Variants in C4B observed in about 807,000 individuals in gnomAD.
C4B encodes complement C4-B.
Under a neutral mutation model 46.2 loss-of-function variants are expected in C4B, and 6 were observed. That is an observed-to-expected ratio of 0.13 (90% confidence interval 0.07 to 0.26). C4B has a LOEUF of 0.26. Ranked by LOEUF, C4B falls within the 10% of genes least tolerant of loss-of-function variation. The probability of loss-of-function intolerance (pLI) is 1.00; values close to 1 mark genes in which losing one functional copy is unlikely to be tolerated. For synonymous variants in C4B, 61 were observed against 240.1 expected (o/e 0.25, Z 6.90); for missense variants, 119 against 560.9 (o/e 0.21, Z 7.96).
In C4B at chr6:32,029,296, G is replaced by A. The variant is rs377113131; in HGVS notation, c.3634G>A (p.Val1212Ile). Reference protein sequence around the residue: ...LTKAPADLRGVAHNNLMAMAQ... With the variant: ...LTKAPADLRGIAHNNLMAMAQ... ...CAAGGCCCCTGCGGACCTGCGGGGT[G>A]TTGCCCACAACAACCTCATGGCAAT... Residue 1212 changes from valine (V) to isoleucine (I), a missense_variant, in exon 28 of 41, where the codon GTT becomes ATT. By Grantham distance (29) the Val-to-Ile change is conservative. Coordinates refer to ENST00000435363, the MANE Select transcript of C4B (RefSeq NM_001002029.4). 1.0e-5 allele frequency: 16 copies of A among 1,566,798 alleles called. 4 individuals carry two copies. In the African/African-American group the frequency reaches 2.2e-4, roughly 21 times the overall value.
At chr6:32,028,574 G>T (rs1389050997) in intron 25 of C4B, 42 bp downstream of exon 25, 1 of 1,528,470 alleles carries the variant, frequency 6.5e-7, no homozygotes, top group Non-Finnish European at 8.9e-7. Flanking sequence ...AGGGGGTCAG[G>T]GCTGGGGCAG....
intron 25 of C4B, 32 bp from the exon 26 acceptor site, chr6:32,028,661 C>T: frequency 6.6e-7 from 1 of 1,505,760 alleles, no homozygotes; most frequent in Non-Finnish European, 9.0e-7. Context: ...GAAGCAAGTC[C>T]TTATCCCCAA....
Position 32,028,824 on chromosome 6 carries a change from C to G in C4B, c.3362C>G (p.Ser1121Cys), listed in dbSNP as rs2734318. The G allele has an allele frequency of 5.8e-5, 91 of 1,562,352 alleles. 2 individuals are homozygous for G. Among genetic ancestry groups the G allele is most frequent in the South Asian group, 3.0e-4 (26 of 88,110 alleles). ...QQADGSFQDL[S>C]PVIHRSMQGG... ...GCTGACGGCTCGTTCCAGGACCTCT[C>G]TCCAGTGATACATAGGAGCATGCAG... Residue 1121 changes from serine (S) to cysteine (C), a missense_variant, in exon 26 of 41, where the codon TCT becomes TGT. Ser to Cys is a moderately radical substitution (Grantham distance 112). Transcript: ENST00000435363.
At chr6:32,028,602 T>C in intron 25 of C4B, 70 bp downstream of exon 25, 2 of 1,468,922 alleles carry the variant, frequency 1.4e-6, no homozygotes, top group South Asian at 2.3e-5. Flanking sequence ...ACAGAGCTGG[T>C]ATGATGGGAG....
rs2151865612 is a variant in C4B, at chr6:32,029,259, C to T, written c.3597C>T (p.Ala1199=). 3.2e-6 allele frequency: 5 copies of T among 1,578,006 alleles called. No individual in the cohort carries two copies. Among genetic ancestry groups the T allele is most frequent in the Non-Finnish European group, 4.3e-6 (5 of 1,153,002 alleles). The part of the protein sequence containing the change: ...GAHAAAITAY[A]LTLTKAPADL... ...ACGCAGCTGCCATCACGGCCTATGC[C>T]CTGACACTGACCAAGGCCCCTGCGG... The change falls in exon 28 of 41, where the codon GCC becomes GCT. Residue 1199 remains alanine, a synonymous_variant. Transcript: ENST00000435363.
chr6:32,029,124 C>T lies in C4B; in HGVS notation c.3505-43C>T. On this transcript the variant is annotated intron_variant, in intron 27 of 40. Transcript: ENST00000435363. ...AGCTCTCTCCCTTTTTCCTCAGGAACCCAGGGGTCCAGGCCCAAGACCCTC... is the reference window on the plus strand; with the variant it reads ...AGCTCTCTCCCTTTTTCCTCAGGAATCCAGGGGTCCAGGCCCAAGACCCTC... 3 of 1,585,572 alleles carry T rather than the reference C, an allele frequency of 1.9e-6. 1 individual carries two copies. The South Asian group carries it at 3.3e-5, about 18-fold the overall frequency.
chr6:32,027,150 C>T, intron 20 of C4B, 28 bp downstream of exon 20: 1 of 1,550,888 alleles, frequency 6.4e-7, no homozygotes, highest in African/African-American at 1.3e-5. Flanking sequence ...CCTGAGCATA[C>T]AGGAGTTGGG....
Position 32,028,874 on chromosome 6 carries a change from G to A in C4B, c.3387+25G>A, listed in dbSNP as rs773260915. ...GGTGCGGGCATGCTGGGGCTGGCCC[G>A]AGAAGCGCCTGTCGGAGGACTCTCT... is the stretch of plus-strand genomic sequence containing the variant. On this transcript the variant is annotated intron_variant, in intron 26 of 40. Transcript: ENST00000435363. 144 of 1,564,658 alleles carry A rather than the reference G, an allele frequency of 9.2e-5. 16 individuals carry two copies. The highest frequency in any genetic ancestry group is 1.8e-4 in the East Asian group (8 of 43,818).
rs762892849 is a variant in C4B at position 32,028,805 on chromosome 6, G to A, written c.3343G>A (p.Gly1115Ser). ...GCTTCTGTCCCAGCAGCAGGCTGAC[G>A]GCTCGTTCCAGGACCTCTCTCCAGT... Reference protein sequence around the residue: ...NWLLSQQQADGSFQDLSPVIH... With the variant: ...NWLLSQQQADSSFQDLSPVIH... The change falls in exon 26 of 41, where the codon GGC (glycine) becomes AGC (serine). Residue 1115 changes from glycine to serine, a missense_variant. By Grantham distance (56) the Gly-to-Ser change is moderately conservative. Coordinates refer to ENST00000435363, the MANE Select transcript of C4B (RefSeq NM_001002029.4). 11 of 1,562,156 alleles carry A rather than the reference G, an allele frequency of 7.0e-6. 2 individuals are homozygous for A. Among genetic ancestry groups the A allele is most frequent in the Middle Eastern group, 1.7e-4 (1 of 5,978 alleles).
chr6:32,028,912 C>T (rs1441744330), intron 26 of C4B, 33 bp from the exon 27 acceptor site: 1 of 1,564,482 alleles, frequency 6.4e-7, no homozygotes, highest in East Asian at 2.3e-5. Context: ...GCCCCTTCCC[C>T]CTCCTGTTTG....
chr6:32,029,339 G>C lies in C4B; in HGVS notation c.3676+1G>C. On this transcript the variant is annotated splice_donor_variant, in intron 28 of 40. Coordinates refer to ENST00000435363, the MANE Select transcript of C4B (RefSeq NM_001002029.4). LOFTEE classifies it high-confidence loss of function. ...ATGGCAATGGCCCAGGAGACTGGAG[G>C]TGAGGGGTGAGGGGCTCTGGCAGTG... 1 of 1,537,240 alleles carries C rather than the reference G, an allele frequency of 6.5e-7. No homozygotes were observed.
chr6:32,028,957 G>A lies in C4B; in HGVS notation c.3400G>A (p.Gly1134Ser), dbSNP rs1470227420. ...IHRSMQGGLV[G>S]NDETVALTAF... ...CTCCCCTTACTAGGGGGGTTTGGTG[G>A]GCAATGATGAGACTGTGGCACTCAC... Residue 1134 changes from glycine (G) to serine (S), a missense_variant, in exon 27 of 41, where the codon GGC becomes AGC. Physicochemically the swap from Gly to Ser is moderately conservative, Grantham distance 56 (BLOSUM62 0). Transcript: ENST00000435363. 1.3e-6 allele frequency: 2 copies of A among 1,555,752 alleles called. No individual in the cohort carries two copies. The highest frequency in any genetic ancestry group is 4.5e-5 in the East Asian group (2 of 44,112).
Position 32,029,094 on chromosome 6 carries a change from C to T in C4B, c.3504+33C>T, listed in dbSNP as rs775294409. ...CAGTGGCGTTTCTGCCCTCTGCTGG[C>T]CCCCAGCTCTCTCCCTTTTTCCTCA... On this transcript the variant is annotated intron_variant, in intron 27 of 40. Coordinates refer to ENST00000435363, the MANE Select transcript of C4B (RefSeq NM_001002029.4). The T allele has an allele frequency of 1.7e-5, 26 of 1,571,734 alleles. No homozygotes were observed. In the East Asian group the frequency reaches 4.5e-4, roughly 27 times the overall value.
chr6:32,028,806 G>T lies in C4B; in HGVS notation c.3344G>T (p.Gly1115Val), dbSNP rs370548864. 1.9e-6 allele frequency: 3 copies of T among 1,562,134 alleles called. No homozygotes were observed. The highest frequency in any genetic ancestry group is 2.8e-5 in the African/African-American group (2 of 71,344). Reference protein sequence around the residue: ...NWLLSQQQADGSFQDLSPVIH... With the variant: ...NWLLSQQQADVSFQDLSPVIH... ...CTTCTGTCCCAGCAGCAGGCTGACG[G>T]CTCGTTCCAGGACCTCTCTCCAGTG... Residue 1115 changes from glycine to valine, a missense_variant, in exon 26 of 41, where the codon GGC becomes GTC. Gly to Val is a moderately radical substitution (Grantham distance 109). Coordinates refer to ENST00000435363, the MANE Select transcript of C4B (RefSeq NM_001002029.4).
chr6:32,027,183 TG>T, intron 20 of C4B, 52 bp from the exon 21 acceptor site: 1 of 1,544,352 alleles, frequency 6.5e-7, no homozygotes, highest in Non-Finnish European at 8.9e-7. Flanking sequence ...CAGTGAGGGG[TG>T]GGGAGGCTAA....
Position 32,029,066 on chromosome 6 carries a change from G to T in C4B, c.3504+5G>T. 1 of 1,554,500 alleles carries T rather than the reference G, an allele frequency of 6.4e-7. No homozygotes were observed. Among genetic ancestry groups the T allele is most frequent in the South Asian group, 1.1e-5 (1 of 88,828 alleles). Reference sequence around the variant, plus strand: ...GAGCCATTGAAGCAGAGAGTGGTAAGTTCAGTGGCGTTTCTGCCCTCTGCT... The same window carrying T: ...GAGCCATTGAAGCAGAGAGTGGTAATTTCAGTGGCGTTTCTGCCCTCTGCT... On this transcript the variant is annotated splice_donor_5th_base_variant and intron_variant, in intron 27 of 40. Transcript: ENST00000435363.
chr6:32,028,972 G>A lies in C4B; in HGVS notation c.3415G>A (p.Val1139Met). The change falls in exon 27 of 41, where the codon GTG (valine) becomes ATG (methionine). Residue 1139 changes from valine to methionine, a missense_variant. Coordinates refer to ENST00000435363, the MANE Select transcript of C4B (RefSeq NM_001002029.4). ...QGGLVGNDET[V>M]ALTAFVTIAL... ...GGGTTTGGTGGGCAATGATGAGACT[G>A]TGGCACTCACAGCCTTTGTGACCAT... is the stretch of plus-strand genomic sequence containing the variant. The A allele has an allele frequency of 6.4e-7, 1 of 1,553,608 alleles. No individual in the cohort carries two copies.
chr6:32,029,076 G>A lies in C4B; in HGVS notation c.3504+15G>A, dbSNP rs771017536. On this transcript the variant is annotated intron_variant, in intron 27 of 40. Transcript: ENST00000435363. ...AGCAGAGAGTGGTAAGTTCAGTGGC[G>A]TTTCTGCCCTCTGCTGGCCCCCAGC... 5.8e-6 allele frequency: 9 copies of A among 1,562,266 alleles called. No homozygotes were observed. In the African/African-American group the frequency reaches 9.7e-5, roughly 17 times the overall value.
chr6:32,028,862 TG>T lies in C4B; in HGVS notation c.3387+17del. 1 of 1,563,968 alleles carries T rather than the reference TG, an allele frequency of 6.4e-7. No individual in the cohort carries two copies. The highest frequency in any genetic ancestry group is 2.3e-5 in the East Asian group (1 of 43,774). ...TAGGAGCATGCAGGTGCGGGCATGC[TG>T]GGGCTGGCCCGAGAAGCGCCTGTCG... On this transcript the variant is annotated intron_variant, in intron 26 of 40. Transcript: ENST00000435363.
Sources: allele counts gnomAD v4.1 joint callset, GRCh38; gene constraint gnomAD v4.1.1; transcripts MANE v1.5; gene names NCBI Gene and HGNC (gene_info 2026-07-23, HGNC 2026-07-21).